EXTL3: variants seen among roughly 807,000 people sequenced by gnomAD.
EXTL3 encodes the protein exostosin-like 3.
In EXTL3, 27 loss-of-function variants were observed where a neutral mutation model predicts 69.3. That is an observed-to-expected ratio of 0.39 (90% CI 0.29 to 0.54). The LOEUF is 0.54. Ranked by LOEUF, EXTL3 falls within the 20% of genes least tolerant of loss-of-function variation. The pLI, the probability that EXTL3 is intolerant of heterozygous loss-of-function variation, is 0.69. For synonymous variants in EXTL3, 511 were observed against 499.4 expected, an observed-to-expected ratio of 1.02 and a Z score of -0.31; for missense variants, 1,003 against 1,231.8, an observed-to-expected ratio of 0.81 and a Z score of 2.78.
At chr8:28,624,858 AGACACT>A (rs1476646356) in intron 1 of EXTL3, among the ~76,000 whole-genome samples, 1 of 152,240 alleles carries the variant, frequency 6.6e-6, no homozygotes, top group Admixed American at 6.5e-5. Context: ...TCCTATGGAA[AGACACT>A]GACACTCAGA....
chr8:28,661,411 C>A (rs1807113614), intron 1 of EXTL3, among the ~76,000 whole-genome samples: 1 of 151,204 alleles, frequency 6.6e-6, no homozygotes, highest in African/African-American at 2.4e-5. Flanking sequence ...AGCATAAATA[C>A]AAATGCATAT....
rs577011808 is a variant in EXTL3, at chr8:28,648,887, G to C, written c.-53+26077G>C. The stretch of plus-strand genomic sequence containing the variant: ...GCACCACCACACCCAGCTAAGGTTT[G>C]TTTTGGTTTGTTTGTTTGTTTGTTG... On this transcript the variant is annotated intron_variant, in intron 1 of 6. Transcript: ENST00000523149. 3.3e-5 allele frequency among the ~76,000 whole-genome samples: 5 copies of C among 151,884 alleles called. No individual in the cohort carries two copies. The South Asian group carries it at 1.0e-3, about 32-fold the overall frequency.
chr8:28,748,386 G>T (rs1378610045), intron 6 of EXTL3, among the ~76,000 whole-genome samples: 2 of 151,044 alleles, frequency 1.3e-5, no homozygotes, highest in Middle Eastern at 3.2e-3. Flanking sequence ...AAAAAAACTT[G>T]ACAGTAAATT....
Position 28,717,703 on chromosome 8 carries a change from G to A in EXTL3, c.1644G>A (p.Glu548=), listed in dbSNP as rs1320789385. Residue 548 remains glutamate, a synonymous_variant, in exon 3 of 7, where the codon GAG becomes GAA. Coordinates refer to ENST00000220562, the MANE Select transcript of EXTL3 (RefSeq NM_001440.4). This position sits in a 1 kb window ranked among gnomAD's most constrained non-coding sequence, Gnocchi z 8.3. ...TCCCAGCCGCTCCCATCCGGGAAGA[G>A]GCGGCAGCTGAGATCCCCCACCGTT... The part of the protein sequence containing the change: ...IQIPAAPIRE[E]AAAEIPHRSG... 1 of 1,614,246 alleles carries A rather than the reference G, an allele frequency of 6.2e-7. No homozygotes were observed. Among genetic ancestry groups the A allele is most frequent in the East Asian group, 2.2e-5 (1 of 44,884 alleles).
chr8:28,636,889 T>C (rs1451930376), intron 1 of EXTL3, among the ~76,000 whole-genome samples: 1 of 151,662 alleles, frequency 6.6e-6, no homozygotes, highest in Non-Finnish European at 1.5e-5. Context: ...CATGTGCCTG[T>C]AATCCCGGCT....
At chr8:28,749,058 A>C (rs1369634048) in intron 6 of EXTL3, among the ~76,000 whole-genome samples, 1 of 152,256 alleles carries the variant, frequency 6.6e-6, no homozygotes, top group African/African-American at 2.4e-5. Context: ...TTCCCACTTA[A>C]GAAAAAGAGA....
intron 3 of EXTL3, among the ~76,000 whole-genome samples, chr8:28,725,783 G>A (rs1801399233): frequency 6.6e-6 from 1 of 152,058 alleles, no homozygotes; most frequent in African/African-American, 2.4e-5. Flanking sequence ...CAGTATTGTG[G>A]GGTTGAGGGA....
chr8:28,652,025 T>TTGTGTGTG (rs113760212), intron 1 of EXTL3, among the ~76,000 whole-genome samples: 48,319 of 151,220 alleles, frequency 0.32, 8,207 homozygotes, highest in African/African-American at 0.44. Context: ...TAATATTCCA[T>TTGTGTGTG]TGTGTGTGTG....
Position 28,666,555 on chromosome 8 carries a change from G to A in EXTL3, c.-53+43745G>A, listed in dbSNP as rs1009891029. On this transcript the variant is annotated intron_variant, in intron 1 of 6. Coordinates refer to the EXTL3 transcript ENST00000523149. ...GTGCTGGGACTATAGGCGTGCTTAC[G>A]CCCAGCCACTCTTTTCTTTTCTTTC... 1.4e-4 allele frequency among the ~76,000 whole-genome samples: 21 copies of A among 151,782 alleles called. No individual in the cohort carries two copies. The East Asian group carries it at 2.1e-3, about 15-fold the overall frequency.
upstream of EXTL3, chr8:28,699,361 A>G (rs1800737933): frequency 1.3e-5 from 2 of 152,474 alleles, no homozygotes; most frequent in Admixed American, 6.6e-5. Flanking sequence ...CAGTCATATC[A>G]TTGGCAGAGA....
intron 1 of EXTL3, among the ~76,000 whole-genome samples, chr8:28,675,862 A>G (rs1807373132): frequency 6.6e-6 from 1 of 152,026 alleles, no homozygotes; most frequent in Non-Finnish European, 1.5e-5. Context: ...TCTCTACTAA[A>G]AATACAAAAA....
chr8:28,631,091 T>A (rs1029761001), intron 1 of EXTL3, among the ~76,000 whole-genome samples: 1 of 152,104 alleles, frequency 6.6e-6, no homozygotes, highest in Non-Finnish European at 1.5e-5. Flanking sequence ...TCGGGTGACA[T>A]CATTTTCTTA....
In EXTL3 at chr8:28,623,073, A is replaced by G. The variant is rs367658879; in HGVS notation, c.-53+263A>G. Among the ~76,000 whole-genome samples, 6 of 151,282 alleles carry G rather than the reference A, an allele frequency of 4.0e-5. No homozygotes were observed. The highest frequency in any genetic ancestry group is 1.5e-4 in the African/African-American group (6 of 41,236). On this transcript the variant is annotated intron_variant, in intron 1 of 6. Coordinates refer to the EXTL3 transcript ENST00000523149. The surrounding 1 kb of genome is among the most constrained non-coding windows in gnomAD (Gnocchi z 4.2). Reference sequence around the variant, plus strand: ...CCATGTCCCCTGCCTCGGAGTGTGGACGTGAACTCCGGGGTGGGCTGGGCT... The same window carrying G: ...CCATGTCCCCTGCCTCGGAGTGTGGGCGTGAACTCCGGGGTGGGCTGGGCT...
intron 1 of EXTL3, among the ~76,000 whole-genome samples, chr8:28,679,087 T>TCCTGTGTTTTCTTC (rs1807436398): frequency 6.6e-6 from 1 of 152,190 alleles, no homozygotes; most frequent in Non-Finnish European, 1.5e-5. Context: ...ATTGAGTAGA[T>TCCTGTGTTTTCTTC]TAATGCCAGC....
rs145172664 is a variant in EXTL3 at position 28,716,734 on chromosome 8, C to T, written c.675C>T (p.Asn225=). 28 of 1,614,080 alleles carry T rather than the reference C, an allele frequency of 1.7e-5. No homozygotes were observed. The highest frequency in any genetic ancestry group is 2.2e-5 in the South Asian group (2 of 91,086). Residue 225 remains asparagine (N), a synonymous_variant, in exon 3 of 7, where the codon AAC becomes AAT. Coordinates refer to ENST00000220562, the MANE Select transcript of EXTL3 (RefSeq NM_001440.4). This position sits in a 1 kb window ranked among gnomAD's most constrained non-coding sequence, Gnocchi z 7.1. ...KQAFQATARA[N]VYVTENADIA... is the part of the protein sequence containing the mutation. ...CTTTTCAGGCGACAGCACGAGCTAA[C>T]GTTTATGTTACAGAAAATGCAGACA...
In EXTL3 at chr8:28,754,382, CACTG is replaced by C. The variant is rs1347295683; in HGVS notation, c.*3519_*3522del. On this transcript the variant is annotated 3_prime_UTR_variant, in exon 7 of 7. Coordinates refer to ENST00000220562, the MANE Select transcript of EXTL3 (RefSeq NM_001440.4). The stretch of plus-strand genomic sequence containing the variant: ...GCTCTGCAGGTGGCAGCTTTGGTCA[CACTG>C]ACAGTCCTAAGAATGGGTGAGACTT... 3.3e-5 allele frequency: 5 copies of C among 152,466 alleles called. No individual in the cohort carries two copies. The highest frequency in any genetic ancestry group is 7.3e-5 in the Non-Finnish European group (5 of 68,214). The allele number at this position is 152,466 out of a possible 1,614,324, so 9.4% of individuals were successfully genotyped here.
chr8:28,708,209 C>T (rs1246021484), intron 1 of EXTL3, among the ~76,000 whole-genome samples: 2 of 152,170 alleles, frequency 1.3e-5, no homozygotes, highest in African/African-American at 4.8e-5. Flanking sequence ...GTCAGTAGGT[C>T]AAGGCACAAC....
At chr8:28,719,544 A>G (rs993085450) in intron 3 of EXTL3, among the ~76,000 whole-genome samples, 1 of 152,178 alleles carries the variant, frequency 6.6e-6, no homozygotes, top group African/African-American at 2.4e-5. Context: ...TACTGCTGCT[A>G]ATCTTTTTTT....
Position 28,644,170 on chromosome 8 carries a change from C to T in EXTL3, c.-53+21360C>T, listed in dbSNP as rs78716161. ...TGCATACTTATGAGCCTTTTTTTTGCTCAATATTATGTTTTTGAGATTGAT... is the reference window on the plus strand; with the variant it reads ...TGCATACTTATGAGCCTTTTTTTTGTTCAATATTATGTTTTTGAGATTGAT... On this transcript the variant is annotated intron_variant, in intron 1 of 6. Coordinates refer to the EXTL3 transcript ENST00000523149. Among the ~76,000 whole-genome samples the T allele has an allele frequency of 9.4e-3, 1,414 of 151,188 alleles. 18 individuals are homozygous for T. Among genetic ancestry groups the T allele is most frequent in the Non-Finnish European group, 0.013 (899 of 67,804 alleles).
Sources: allele counts gnomAD v4.1 joint callset (sites outside exome capture counted in the v4.1 genomes callset), GRCh38; gene constraint gnomAD v4.1.1; non-coding constraint Gnocchi (gnomAD v3.1); transcripts MANE v1.5; gene names NCBI Gene and HGNC (gene_info 2026-07-23, HGNC 2026-07-21).